Variants in TREML2 observed in about 807,000 individuals in gnomAD.
TREML2 encodes trem-like transcript 2 protein.
Under a neutral mutation model 25.9 loss-of-function variants are expected in TREML2, and 24 were observed. The observed-to-expected ratio is 0.93, with a 90% CI of 0.67 to 1.30. The LOEUF (loss-of-function observed/expected upper bound fraction) is 1.30, where lower values mean the gene tolerates loss of function less well. Ranked by LOEUF, TREML2 falls within the 50% of genes most tolerant of loss-of-function variation. The pLI is 0.00. For synonymous variants in TREML2, 139 were observed against 155.2 expected, an observed-to-expected ratio of 0.90 and a Z score of 0.77; for missense variants, 359 against 395.6, an observed-to-expected ratio of 0.91 and a Z score of 0.78.
chr6:41,195,596 G>A (rs1766146219), intron 2 of TREML2, among the ~76,000 whole-genome samples: 1 of 152,222 alleles, frequency 6.6e-6, no homozygotes. Flanking sequence ...TTTTTCTGGA[G>A]AAGGGGACCC....
intron 2 of TREML2, among the ~76,000 whole-genome samples, chr6:41,196,234 G>A (rs1482544024): frequency 2.0e-5 from 3 of 152,182 alleles, no homozygotes; most frequent in South Asian, 4.1e-4. Flanking sequence ...TAAGACTTCA[G>A]TGAACCAGTT....
intron 2 of TREML2, among the ~76,000 whole-genome samples, chr6:41,197,412 A>G (rs1486095697): frequency 6.6e-6 from 1 of 152,164 alleles, no homozygotes; most frequent in Non-Finnish European, 1.5e-5. Context: ...AGCCTTATAC[A>G]AGCCAAGCTC....
intron 3 of TREML2, among the ~76,000 whole-genome samples, chr6:41,193,416 T>C (rs1205676904): frequency 6.6e-6 from 1 of 152,138 alleles, no homozygotes; most frequent in Non-Finnish European, 1.5e-5. Flanking sequence ...CCTCTACTGA[T>C]AACCAATTGG....
chr6:41,199,301 T>A (rs975917817), intron 1 of TREML2, among the ~76,000 whole-genome samples: 15 of 152,246 alleles, frequency 9.9e-5, no homozygotes, highest in African/African-American at 3.6e-4. Context: ...TTTGAAAATA[T>A]GATTAACAGT....
In TREML2 at chr6:41,194,471, T is replaced by C; in HGVS notation, c.739A>G (p.Thr247Ala). Residue 247 changes from threonine to alanine, a missense_variant, in exon 3 of 5, where the codon ACC becomes GCC. Transcript: ENST00000483722. ...TRSPTTGLCL[T>A]SRSLLNRLPS... ...AGTCTGTTGAGGAGAGATCTGCTGGTGAGGCAGAGCCCTGTGGTGGGCGAT... is the reference window on the plus strand; with the variant it reads ...AGTCTGTTGAGGAGAGATCTGCTGGCGAGGCAGAGCCCTGTGGTGGGCGAT... The C allele has an allele frequency of 6.2e-7, 1 of 1,606,262 alleles. No individual in the cohort carries two copies. The highest frequency in any genetic ancestry group is 8.5e-7 in the Non-Finnish European group (1 of 1,176,472).
In TREML2 at chr6:41,190,730, A is replaced by G. The variant is rs1388338766; in HGVS notation, c.*1697T>C. 6 of 152,078 alleles carry G rather than the reference A, an allele frequency of 3.9e-5. No individual in the cohort carries two copies. The highest frequency in any genetic ancestry group is 3.9e-4 in the Admixed American group (6 of 15,262). The allele number at this position is 152,078 out of a possible 1,614,324, so 9.4% of individuals were successfully genotyped here. On this transcript the variant is annotated 3_prime_UTR_variant, in exon 5 of 5. Coordinates refer to ENST00000483722, the MANE Select transcript of TREML2 (RefSeq NM_024807.4). ...TACTGGTGCCAGCTCTTGGGGAGCT[A>G]TTTTCCCCCAGGTGGGTTAAGTTCT...
intron 1 of TREML2, 46 bp downstream of exon 1, chr6:41,200,908 T>A (rs1237667448): frequency 6.7e-7 from 1 of 1,484,510 alleles, no homozygotes; most frequent in South Asian, 1.4e-5. Context: ...AGCTCCTGCC[T>A]CTGTACCCAC....
At chr6:41,192,676 G>A in intron 4 of TREML2, 125 bp downstream of exon 4, 2 of 1,135,762 alleles carry the variant, frequency 1.8e-6, no homozygotes, top group Non-Finnish European at 2.6e-6. Flanking sequence ...CCAGGTGGAA[G>A]CGTCATAGTC....
intron 4 of TREML2, 123 bp from the exon 5 acceptor site, chr6:41,192,629 G>T: frequency 2.5e-6 from 3 of 1,192,802 alleles, no homozygotes; most frequent in Non-Finnish European, 3.6e-6. Context: ...TCCCCTTAGG[G>T]TTGTGCTGGG....
Position 41,191,219 on chromosome 6 carries a change from G to C in TREML2, c.*1208C>G, listed in dbSNP as rs1200917197. The C allele has an allele frequency of 6.7e-6, 1 of 149,060 alleles. No homozygotes were observed. The highest frequency in any genetic ancestry group is 1.4e-5 in the Non-Finnish European group (1 of 70,694). 9.2% of individuals were successfully genotyped at this position (149,060 alleles called of 1,614,324 possible). ...TGTGTGTGTGTGTGTGTGTGTGTGT[G>C]TGTAGGGGAATCCAGGCTGCATTCT... On this transcript the variant is annotated 3_prime_UTR_variant, in exon 5 of 5. Coordinates refer to ENST00000483722, the MANE Select transcript of TREML2 (RefSeq NM_024807.4).
chr6:41,190,940 C>T lies in TREML2; in HGVS notation c.*1487G>A, dbSNP rs1766046259. 6.6e-6 allele frequency: 1 copy of T among 152,268 alleles called. No individual in the cohort carries two copies. The highest frequency in any genetic ancestry group is 6.6e-5 in the Admixed American group (1 of 15,244). 9.4% of individuals were successfully genotyped at this position (152,268 alleles called of 1,614,324 possible). Reference sequence around the variant, plus strand: ...TCAGCCTCAGTCTTCCCTCTATTGCCCTCTCCTGGACATAGGGAAGAAGTG... The same window carrying T: ...TCAGCCTCAGTCTTCCCTCTATTGCTCTCTCCTGGACATAGGGAAGAAGTG... On this transcript the variant is annotated 3_prime_UTR_variant, in exon 5 of 5. Transcript: ENST00000483722.
In TREML2 at chr6:41,194,761, C is replaced by A. The variant is rs1766128758; in HGVS notation, c.449G>T (p.Gly150Val). The change falls in exon 3 of 5, where the codon GGC becomes GTC. Residue 150 changes from glycine to valine, a missense_variant. Transcript: ENST00000483722. ...ATCAGGGCCTGAGGTAGGGGCTTGG[C>A]CAGTTGTGACAGTTCCACTCTTGAG... Reference protein sequence around the residue: ...NILKSGTVTTGQAPTSGPDAP... With the variant: ...NILKSGTVTTVQAPTSGPDAP... The A allele has an allele frequency of 2.5e-6, 4 of 1,612,310 alleles. No individual in the cohort carries two copies. Among genetic ancestry groups the A allele is most frequent in the Non-Finnish European group, 3.4e-6 (4 of 1,179,140 alleles).
At chr6:41,193,066 G>T (rs1766096854) in intron 3 of TREML2, among the ~76,000 whole-genome samples, 165 bp from the exon 4 acceptor site, 2 of 152,170 alleles carry the variant, frequency 1.3e-5, no homozygotes, top group Non-Finnish European at 2.9e-5. Flanking sequence ...GTGACATCCG[G>T]AGTTAAGAGG....
chr6:41,193,957 G>C lies in TREML2; in HGVS notation c.785+468C>G, dbSNP rs1483983963. On this transcript the variant is annotated intron_variant, in intron 3 of 4. Transcript: ENST00000483722. ...ATGCCCCCGACTCTCATAGTCCCCT[G>C]CCCTCATCCCTGCAACCCTCATCTC... Among the ~76,000 whole-genome samples the C allele has an allele frequency of 2.1e-4, 25 of 118,212 alleles. No homozygotes were observed. The Admixed American group carries it at 2.7e-3, about 13-fold the overall frequency. 77.6% of individuals were successfully genotyped at this position (118,212 alleles called of 152,430 possible). A position where few individuals can be genotyped will look rare whatever the true frequency, so the allele number is the denominator to read the frequency against.
Position 41,201,017 on chromosome 6 carries a change from C to T in TREML2, c.-9G>A. The stretch of plus-strand genomic sequence containing the variant: ...AGGAAGGCTGGGGCCATGGTTCCAT[C>T]CAGCTGGGCAGTGTCAGGCCTGGAG... On this transcript the variant is annotated 5_prime_UTR_variant, in exon 1 of 5. Coordinates refer to ENST00000483722, the MANE Select transcript of TREML2 (RefSeq NM_024807.4). 6.2e-7 allele frequency: 1 copy of T among 1,609,966 alleles called. No homozygotes were observed. Among genetic ancestry groups the T allele is most frequent in the Non-Finnish European group, 8.5e-7 (1 of 1,177,856 alleles).
In TREML2 at chr6:41,194,530, G is replaced by T. The variant is rs1766123249; in HGVS notation, c.680C>A (p.Ser227Tyr). The change falls in exon 3 of 5, where the codon TCC becomes TAC. Residue 227 changes from serine (S) to tyrosine (Y), a missense_variant. Transcript: ENST00000483722. Reference sequence around the variant, plus strand: ...GAGGTCCCCAGACTTAGTGGAGATGGATTCTGGGCCAGCAGAGGAGTCCCT... The same window carrying T: ...GAGGTCCCCAGACTTAGTGGAGATGTATTCTGGGCCAGCAGAGGAGTCCCT... ...NARDSSAGPE[S>Y]ISTKSGDLST... 6.2e-7 allele frequency: 1 copy of T among 1,613,970 alleles called. No homozygotes were observed. The highest frequency in any genetic ancestry group is 1.7e-5 in the Admixed American group (1 of 60,012).
rs535677397 is a variant in TREML2 at position 41,191,537 on chromosome 6, G to T, written c.*890C>A. 3 of 152,220 alleles carry T rather than the reference G, an allele frequency of 2.0e-5. No individual in the cohort carries two copies. Among genetic ancestry groups the T allele is most frequent in the Non-Finnish European group, 4.4e-5 (3 of 68,100 alleles). 9.4% of individuals were successfully genotyped at this position (152,220 alleles called of 1,614,324 possible). ...ATGGTCTCCCCACCAGTGTCTGTGG[G>T]GTGAGCAGCCTCCATACAGAGCCAA... On this transcript the variant is annotated 3_prime_UTR_variant, in exon 5 of 5. Transcript: ENST00000483722.
intron 1 of TREML2, among the ~76,000 whole-genome samples, chr6:41,199,171 A>G (rs1211824595): frequency 3.3e-5 from 5 of 152,194 alleles, no homozygotes; most frequent in Admixed American, 3.3e-4. Context: ...ATCCCAGGGA[A>G]TTCTTGTGGG....
chr6:41,195,695 C>T (rs1167215436), intron 2 of TREML2, among the ~76,000 whole-genome samples: 2 of 152,210 alleles, frequency 1.3e-5, no homozygotes, highest in Non-Finnish European at 2.9e-5. Flanking sequence ...GCAGTGGGGA[C>T]ACCCCCAAAG....
Sources: gnomAD v4.1 joint callset for allele counts (sites outside exome capture counted in the v4.1 genomes callset) on GRCh38, gnomAD v4.1.1 for gene constraint, MANE v1.5 for transcripts, NCBI Gene and HGNC (gene_info 2026-07-23, HGNC 2026-07-21) for gene names.